CTNNA3: variants seen among roughly 807,000 people sequenced by gnomAD.
CTNNA3 encodes the protein catenin alpha-3.
Under a neutral mutation model 95.7 loss-of-function variants are expected in CTNNA3, and 76 were observed. That is an observed-to-expected ratio of 0.79 (90% CI 0.66 to 0.96). CTNNA3 has a LOEUF of 0.96. Ranked by LOEUF, CTNNA3 falls within the 40% of genes least tolerant of loss-of-function variation. CTNNA3 has a pLI of 0.00. For synonymous variants in CTNNA3, 431 were observed against 374.4 expected (o/e 1.15, Z -1.74); for missense variants, 1,191 against 1,089.8 (o/e 1.09, Z -1.31).
chr10:66,580,914 T>G (rs2132195603), intron 10 of CTNNA3, among the ~76,000 whole-genome samples: 1 of 151,840 alleles, frequency 6.6e-6, no homozygotes, highest in Admixed American at 6.6e-5. Context: ...TCACCCCTTT[T>G]AAGTCTTCGA....
intron 12 of CTNNA3, among the ~76,000 whole-genome samples, chr10:66,285,233 G>A (rs2091564671): frequency 6.6e-6 from 1 of 151,810 alleles, no homozygotes; most frequent in Non-Finnish European, 1.5e-5. Flanking sequence ...AAATACTAGA[G>A]AGAAAGGACT....
At chr10:66,590,973 G>A (rs1269789885) in intron 10 of CTNNA3, among the ~76,000 whole-genome samples, 6 of 152,134 alleles carry the variant, frequency 3.9e-5, no homozygotes, top group South Asian at 4.1e-4. Flanking sequence ...AATTTAATAC[G>A]GTTTACTGAG....
intron 11 of CTNNA3, among the ~76,000 whole-genome samples, chr10:66,467,875 T>C (rs866707738): frequency 2.0e-5 from 3 of 152,066 alleles, no homozygotes; most frequent in Non-Finnish European, 4.4e-5. Context: ...ACTACCTCCA[T>C]AGTGGTTGAA....
intron 7 of CTNNA3, among the ~76,000 whole-genome samples, chr10:66,949,821 A>T (rs1589474571): frequency 9.5e-6 from 1 of 105,292 alleles, no homozygotes; most frequent in Non-Finnish European, 2.2e-5. Flanking sequence ...GCTTTCTCAC[A>T]TGTTTTGTGA....
At chr10:66,492,018 C>T (rs1036940032) in intron 11 of CTNNA3, among the ~76,000 whole-genome samples, 2 of 152,056 alleles carry the variant, frequency 1.3e-5, no homozygotes, top group Non-Finnish European at 2.9e-5. Flanking sequence ...TCCCTCTGTA[C>T]ATATGAACAC....
rs1203412966 is a variant in CTNNA3, at chr10:66,417,692, G to A, written c.1532-38340C>T. On this transcript the variant is annotated intron_variant, in intron 11 of 17. Transcript: ENST00000433211. ...GTATCAAGTACCTTCTCAGATCACA[G>A]TGGAATAAAACAAGAAATCAATACC... 2.0e-5 allele frequency among the ~76,000 whole-genome samples: 3 copies of A among 151,798 alleles called. No individual in the cohort carries two copies. In the East Asian group the frequency reaches 5.8e-4, roughly 29 times the overall value.
At chr10:67,185,394 G>A (rs1267166331) in intron 6 of CTNNA3, among the ~76,000 whole-genome samples, 6 of 151,970 alleles carry the variant, frequency 3.9e-5, no homozygotes, top group East Asian at 3.9e-4. Context: ...CCAAAGTGCT[G>A]GGATTACAGG....
intron 15 of CTNNA3, among the ~76,000 whole-genome samples, chr10:66,010,945 C>T (rs189374656): frequency 9.2e-5 from 14 of 152,150 alleles, no homozygotes; most frequent in African/African-American, 3.4e-4. Context: ...TAGGCATAAG[C>T]CTATGTTCTT....
At chr10:66,737,882 C>T (rs1177592651) in intron 9 of CTNNA3, among the ~76,000 whole-genome samples, 2 of 152,086 alleles carry the variant, frequency 1.3e-5, no homozygotes, top group Non-Finnish European at 2.9e-5. Flanking sequence ...TAGTCTCGAT[C>T]TCGTGACCTT....
intron 12 of CTNNA3, among the ~76,000 whole-genome samples, chr10:66,356,122 GTTT>G (rs59366031): frequency 1.3e-4 from 15 of 117,242 alleles, no homozygotes; most frequent in East Asian, 1.2e-3. Flanking sequence ...TGCTTGTTTT[GTTT>G]TTTTTTTTTT....
chr10:66,528,252 T>A (rs1841338843), intron 10 of CTNNA3, among the ~76,000 whole-genome samples: 1 of 152,088 alleles, frequency 6.6e-6, no homozygotes, highest in African/African-American at 2.4e-5. Context: ...CCATTCTATC[T>A]TCTTTAGGCT....
chr10:65,930,700 G>A (rs2077239751), intron 17 of CTNNA3, among the ~76,000 whole-genome samples: 1 of 152,062 alleles, frequency 6.6e-6, no homozygotes, highest in African/African-American at 2.4e-5. Context: ...TCAAAGAAAT[G>A]TTTGTACAAA....
intron 17 of CTNNA3, among the ~76,000 whole-genome samples, chr10:65,940,049 A>C (rs1365299085): frequency 6.6e-6 from 1 of 152,184 alleles, no homozygotes; most frequent in Non-Finnish European, 1.5e-5. Flanking sequence ...AATTAGTTGA[A>C]TATCCCAACC....
chr10:66,620,835 C>T (rs11595657), intron 10 of CTNNA3, among the ~76,000 whole-genome samples: 10,308 of 152,206 alleles, frequency 0.068, 485 homozygotes, highest in Middle Eastern at 0.13. Flanking sequence ...ACATGCCCTA[C>T]TTTTTGTAGA....
At chr10:66,346,160 C>G (rs796255829) in intron 12 of CTNNA3, among the ~76,000 whole-genome samples, 1 of 148,882 alleles carries the variant, frequency 6.7e-6, no homozygotes. Flanking sequence ...AATACATCCT[C>G]CAATTTGTTG....
intron 10 of CTNNA3, among the ~76,000 whole-genome samples, chr10:66,578,784 C>CT (rs71035156): frequency 0.67 from 95,564 of 143,100 alleles, 31,829 homozygotes; most frequent in East Asian, 0.92. Flanking sequence ...ATTTTTCTTT[C>CT]TTTTTTTTTT....
At chr10:66,707,141 T>C (rs1387305682) in intron 9 of CTNNA3, among the ~76,000 whole-genome samples, 1 of 152,066 alleles carries the variant, frequency 6.6e-6, no homozygotes, top group Non-Finnish European at 1.5e-5. Context: ...AAATTCCTTC[T>C]TTATTTTAGA....
intron 13 of CTNNA3, among the ~76,000 whole-genome samples, chr10:66,133,105 G>A (rs2083193158): frequency 6.6e-6 from 1 of 151,246 alleles, no homozygotes; most frequent in Non-Finnish European, 1.5e-5. Context: ...AAAATAGAAA[G>A]GCACCCCATG....
At chr10:67,450,180 A>AAGTGTTCC (rs1267431654) in intron 5 of CTNNA3, among the ~76,000 whole-genome samples, 2 of 152,142 alleles carry the variant, frequency 1.3e-5, no homozygotes, top group Non-Finnish European at 2.9e-5. Context: ...AAAAGGGAAC[A>AAGTGTTCC]CTTATATATT....
Sources: gnomAD v4.1 joint callset for allele counts (sites outside exome capture counted in the v4.1 genomes callset) on GRCh38, gnomAD v4.1.1 for gene constraint, MANE v1.5 for transcripts, NCBI Gene and HGNC (gene_info 2026-07-23, HGNC 2026-07-21) for gene names.